Variants in PRG4 observed in about 807,000 individuals in gnomAD.
PRG4 encodes the protein articular superficial zone protein.
PRG4 carries 61 observed loss-of-function variants against 91.2 expected under a neutral mutation model. The ratio of observed to expected loss-of-function variants is 0.67; its 90% CI spans 0.54 to 0.83. PRG4 has a LOEUF of 0.83. Among genes scored for constraint, PRG4 ranks in the 40% least tolerant of loss-of-function variants. The pLI is 0.00. For synonymous variants in PRG4, 576 were observed against 614.2 expected (o/e 0.94, Z 0.92); for missense variants, 1,564 against 1,714.2 (o/e 0.91, Z 1.55).
Position 186,308,004 on chromosome 1 carries a change from C to G in PRG4, c.2285C>G (p.Pro762Arg), listed in dbSNP as rs756098050. The change falls in exon 7 of 13, where the codon CCT (proline) becomes CGT (arginine). Residue 762 changes from proline (P) to arginine (R), a missense_variant. Pro to Arg is a moderately radical substitution (Grantham distance 103). Transcript: ENST00000445192. The stretch of plus-strand genomic sequence containing the variant: ...CCTAAGGGGACTGCTCCAACTACCC[C>G]TAAGGAGCCTGCTCCAACTACCCCT... ...TTPKGTAPTTPKEPAPTTPKE... is the reference protein window; with the variant it reads ...TTPKGTAPTTRKEPAPTTPKE... The G allele has an allele frequency of 6.2e-7, 1 of 1,608,446 alleles. No individual in the cohort carries two copies. Among genetic ancestry groups the G allele is most frequent in the Non-Finnish European group, 8.5e-7 (1 of 1,178,656 alleles).
Position 186,296,816 on chromosome 1 carries a change from T to A in PRG4, c.-30-30T>A, listed in dbSNP as rs1293987. 697,884 of 1,219,838 alleles carry A rather than the reference T, an allele frequency of 0.57. 206,834 individuals carry two copies. The highest frequency in any genetic ancestry group is 0.95 in the East Asian group (40,491 of 42,522). 75.6% of individuals were successfully genotyped at this position (1,219,838 alleles called of 1,614,324 possible). A position where few individuals can be genotyped will look rare whatever the true frequency, so the allele number is the denominator to read the frequency against. On this transcript the variant is annotated intron_variant, in intron 1 of 12. Coordinates refer to ENST00000445192, the MANE Select transcript of PRG4 (RefSeq NM_005807.6). ...TAAGTTAGTGGTGAGATGAAAGAGC[T>A]GTTTTCTGATACTTTTATTTTATTT...
chr1:186,302,579 GAAGA>G (rs759185562), intron 4 of PRG4, among the ~76,000 whole-genome samples: 1 of 152,182 alleles, frequency 6.6e-6, no homozygotes, highest in Non-Finnish European at 1.5e-5. Flanking sequence ...TTAGAACAGT[GAAGA>G]AAGATCGGAA....
intron 2 of PRG4, among the ~76,000 whole-genome samples, chr1:186,298,885 G>A (rs1424607336): frequency 6.6e-6 from 1 of 151,654 alleles, no homozygotes; most frequent in Non-Finnish European, 1.5e-5. Flanking sequence ...TATAATATAT[G>A]TATTTATATA....
rs2102036946 is a variant in PRG4 at position 186,311,559 on chromosome 1, T to C, written c.3756T>C (p.Tyr1252=). 1.2e-6 allele frequency: 2 copies of C among 1,614,080 alleles called. No individual in the cohort carries two copies. Among genetic ancestry groups the C allele is most frequent in the African/African-American group, 1.3e-5 (1 of 75,064 alleles). The part of the protein sequence containing the change: ...QIVAALSTAK[Y]KNWPESVYFF... ...TGGCAGCGCTTTCAACAGCTAAATATAAGAACTGGCCTGAATCTGTGTATT... is the reference window on the plus strand; with the variant it reads ...TGGCAGCGCTTTCAACAGCTAAATACAAGAACTGGCCTGAATCTGTGTATT... Residue 1252 remains tyrosine (Y), a synonymous_variant, in exon 10 of 13, where the codon TAT becomes TAC. Coordinates refer to ENST00000445192, the MANE Select transcript of PRG4 (RefSeq NM_005807.6).
In PRG4 at chr1:186,307,653, C is replaced by A; in HGVS notation, c.1934C>A (p.Pro645His). The part of the protein sequence containing the change: ...TTPEKPAPTT[P>H]EELAPTTPEE... ...CCTGAGAAGCCCGCACCCACCACCC[C>A]TGAGGAGCTCGCACCCACCACCCCT... Residue 645 changes from proline to histidine, a missense_variant, in exon 7 of 13, where the codon CCT becomes CAT. Physicochemically the swap from Pro to His is moderately conservative, Grantham distance 77 (BLOSUM62 -2). Coordinates refer to ENST00000445192, the MANE Select transcript of PRG4 (RefSeq NM_005807.6). 6.2e-7 allele frequency: 1 copy of A among 1,604,196 alleles called. No homozygotes were observed. The highest frequency in any genetic ancestry group is 2.2e-5 in the East Asian group (1 of 44,678).
In PRG4 at chr1:186,300,396, C is replaced by T. The variant is rs149547146; in HGVS notation, c.199+183C>T. On this transcript the variant is annotated intron_variant, in intron 3 of 12. Coordinates refer to ENST00000445192, the MANE Select transcript of PRG4 (RefSeq NM_005807.6). ...TCCTTCACTTGCATAAATGTTGCAGCGCATTGTACCTAAGGATGGTGTCAA... is the reference window on the plus strand; with the variant it reads ...TCCTTCACTTGCATAAATGTTGCAGTGCATTGTACCTAAGGATGGTGTCAA... Among the ~76,000 whole-genome samples the T allele has an allele frequency of 1.4e-3, 214 of 152,246 alleles. 2 individuals carry two copies. The East Asian group carries it at 0.033, about 23-fold the overall frequency.
rs1215121523 is a variant in PRG4, at chr1:186,308,355, A to T, written c.2636A>T (p.Glu879Val). The change falls in exon 7 of 13, where the codon GAG (glutamate) becomes GTG (valine). Residue 879 changes from glutamate (E) to valine (V), a missense_variant. Around this residue, in one of 3 missense-constraint regions of PRG4, gnomAD observed 1,079 missense variants for 1,162.2 expected, o/e 0.93. Transcript: ENST00000445192. ...IHKSPDESTP[E>V]LSAEPTPKAL... Reference sequence around the variant, plus strand: ...AAAAGCCCTGATGAATCAACTCCTGAGCTTTCTGCAGAACCCACACCAAAA... The same window carrying T: ...AAAAGCCCTGATGAATCAACTCCTGTGCTTTCTGCAGAACCCACACCAAAA... The T allele has an allele frequency of 6.2e-7, 1 of 1,614,006 alleles. No homozygotes were observed. Among genetic ancestry groups the T allele is most frequent in the Non-Finnish European group, 8.5e-7 (1 of 1,180,050 alleles).
chr1:186,305,193 T>G (rs922319686), intron 6 of PRG4, among the ~76,000 whole-genome samples: 2 of 152,208 alleles, frequency 1.3e-5, no homozygotes, highest in Non-Finnish European at 2.9e-5. Flanking sequence ...ATTGATGGCT[T>G]TCTACTGTCA....
intron 8 of PRG4, 69 bp from the exon 9 acceptor site, chr1:186,310,965 T>C: frequency 2.6e-6 from 4 of 1,558,132 alleles, no homozygotes; most frequent in South Asian, 1.1e-5. Context: ...ACATTTTTTT[T>C]CATTTTGGTT....
intron 4 of PRG4, among the ~76,000 whole-genome samples, chr1:186,302,052 C>A (rs1257368200): frequency 6.6e-6 from 1 of 152,144 alleles, no homozygotes; most frequent in East Asian, 1.9e-4. Flanking sequence ...TTTCTTGTCT[C>A]ACCCTTGCTG....
At chr1:186,305,015 C>G in intron 6 of PRG4, 93 bp downstream of exon 6, 1 of 1,302,920 alleles carries the variant, frequency 7.7e-7, no homozygotes, top group Non-Finnish European at 1.1e-6. Context: ...ATGAGGACAT[C>G]TTAATATGGG....
chr1:186,307,989 C>T lies in PRG4; in HGVS notation c.2270C>T (p.Thr757Ile), dbSNP rs375609358. 1 of 1,607,978 alleles carries T rather than the reference C, an allele frequency of 6.2e-7. No individual in the cohort carries two copies. Among genetic ancestry groups the T allele is most frequent in the Non-Finnish European group, 8.5e-7 (1 of 1,178,530 alleles). ...CCCGCTCCAACTACCCCTAAGGGGA[C>T]TGCTCCAACTACCCCTAAGGAGCCT... ...DKPAPTTPKG[T>I]APTTPKEPAP... Residue 757 changes from threonine (T) to isoleucine (I), a missense_variant, in exon 7 of 13, where the codon ACT becomes ATT. Coordinates refer to ENST00000445192, the MANE Select transcript of PRG4 (RefSeq NM_005807.6).
chr1:186,300,160 A>C lies in PRG4; in HGVS notation c.146A>C (p.Asn49Thr). ...GATGCCACCTGCAACTGTGATTATA[A>C]CTGTCAACACTACATGGAGTGCTGC... Reference protein sequence around the residue: ...SRDATCNCDYNCQHYMECCPD... With the variant: ...SRDATCNCDYTCQHYMECCPD... Residue 49 changes from asparagine to threonine, a missense_variant, in exon 3 of 13, where the codon AAC becomes ACC. Physicochemically the swap from Asn to Thr is moderately conservative, Grantham distance 65. Transcript: ENST00000445192. 1 of 1,614,152 alleles carries C rather than the reference A, an allele frequency of 6.2e-7. No individual in the cohort carries two copies. Among genetic ancestry groups the C allele is most frequent in the Non-Finnish European group, 8.5e-7 (1 of 1,180,016 alleles).
Position 186,308,380 on chromosome 1 carries a change from A to T in PRG4, c.2661A>T (p.Lys887Asn). ...AGCTTTCTGCAGAACCCACACCAAA[A>T]GCTCTTGAAAACAGTCCCAAGGAAC... ...TPELSAEPTPKALENSPKEPG... is the reference protein window; with the variant it reads ...TPELSAEPTPNALENSPKEPG... Residue 887 changes from lysine to asparagine, a missense_variant, in exon 7 of 13, where the codon AAA becomes AAT. By Grantham distance (94) the Lys-to-Asn change is moderately conservative. This residue lies in a region of PRG4 where 1,079 missense variants were observed against 1,162.2 expected (regional missense o/e 0.93). Coordinates refer to ENST00000445192, the MANE Select transcript of PRG4 (RefSeq NM_005807.6). 1 of 1,613,926 alleles carries T rather than the reference A, an allele frequency of 6.2e-7. No homozygotes were observed. Among genetic ancestry groups the T allele is most frequent in the Non-Finnish European group, 8.5e-7 (1 of 1,180,044 alleles).
chr1:186,309,093 TA>T lies in PRG4; in HGVS notation c.3375del (p.Leu1125PhefsTer27), dbSNP rs762968317. ...MPEVTPDMDY[L>X]PRVPNQGIII... ...GAAGTTACTCCCGACATGGATTACTTACCGAGAGTACCCAATCAAGGCATTA... is the reference window on the plus strand; with the variant it reads ...GAAGTTACTCCCGACATGGATTACTTCCGAGAGTACCCAATCAAGGCATTA... On this transcript the variant is annotated frameshift_variant, in exon 7 of 13. Coordinates refer to ENST00000445192, the MANE Select transcript of PRG4 (RefSeq NM_005807.6). LOFTEE classifies it high-confidence loss of function. 1.9e-6 allele frequency: 3 copies of T among 1,614,038 alleles called. No individual in the cohort carries two copies. Among genetic ancestry groups the T allele is most frequent in the Non-Finnish European group, 2.5e-6 (3 of 1,179,956 alleles).
At chr1:186,299,987 T>A (rs140478488) in intron 2 of PRG4, 104 bp from the exon 3 acceptor site, 1 of 1,377,062 alleles carries the variant, frequency 7.3e-7, no homozygotes, top group African/African-American at 1.4e-5. Flanking sequence ...ACCTTCTCGA[T>A]CAATAAAATT....
At position 186,308,754 on chromosome 1, in the gene PRG4, C is replaced by A. The variant is rs1456483293; in HGVS notation, c.3035C>A (p.Thr1012Asn). 2 of 1,613,884 alleles carry A rather than the reference C, an allele frequency of 1.2e-6. No homozygotes were observed. The change falls in exon 7 of 13, where the codon ACT (threonine) becomes AAT (asparagine). Residue 1012 changes from threonine to asparagine, a missense_variant. Transcript: ENST00000445192. ...ACAGCTAAACCAAAAGACAGAGCTA[C>A]TAATTCTAAAGCGACAACTCCTAAA... ...EETAKPKDRA[T>N]NSKATTPKPQ...
At position 186,304,775 on chromosome 1, in the gene PRG4, CTTTCTA is replaced by C; in HGVS notation, c.470-15_470-10del. On this transcript the variant is annotated splice_polypyrimidine_tract_variant and intron_variant, in intron 5 of 12. Transcript: ENST00000445192. ...TTAAATCACAGTTGGTGTGATCAAA[CTTTCTA>C]TTTGATTTATAGAACATTCTGTTTC... 1.2e-6 allele frequency: 2 copies of C among 1,607,704 alleles called. No individual in the cohort carries two copies. The highest frequency in any genetic ancestry group is 4.5e-5 in the East Asian group (2 of 44,744).
In PRG4 at chr1:186,306,953, C is replaced by T. The variant is rs565219311; in HGVS notation, c.1234C>T (p.Pro412Ser). The T allele has an allele frequency of 6.3e-7, 1 of 1,598,546 alleles. No individual in the cohort carries two copies. The highest frequency in any genetic ancestry group is 1.4e-5 in the African/African-American group (1 of 71,038). Residue 412 changes from proline (P) to serine (S), a missense_variant, in exon 7 of 13, where the codon CCT becomes TCT. Pro to Ser is a moderately conservative substitution (Grantham distance 74). This residue lies in a region of PRG4 where 48 missense variants were observed against 93.0 expected (regional missense o/e 0.52). Transcript: ENST00000445192. ...GCCTGCACCCACCACTCCCAAGGAG[C>T]CTGCACCCACCACCACCAAGGAGCC... Reference protein sequence around the residue: ...KEPAPTTPKEPAPTTTKEPAP... With the variant: ...KEPAPTTPKESAPTTTKEPAP...
Sources: allele counts gnomAD v4.1 joint callset (sites outside exome capture counted in the v4.1 genomes callset), GRCh38; gene constraint gnomAD v4.1.1; regional missense constraint gnomAD v4.1.1; transcripts MANE v1.5; gene names NCBI Gene and HGNC (gene_info 2026-07-23, HGNC 2026-07-21).